CNBD1: variants seen among roughly 807,000 people sequenced by gnomAD.
CNBD1 encodes the protein cyclic nucleotide binding domain containing 1.
A neutral mutation model predicts 54.4 loss-of-function variants in CNBD1; 71 were observed. The observed-to-expected ratio is 1.30, with a 90% CI of 1.08 to 1.59. The LOEUF (loss-of-function observed/expected upper bound fraction) is 1.59. Among genes scored for constraint, CNBD1 ranks in the 40% most tolerant of loss-of-function variants. The probability of loss-of-function intolerance (pLI) is 0.00; values close to 1 mark genes in which losing one functional copy is unlikely to be tolerated. For synonymous variants in CNBD1, 182 were observed against 170.7 expected, an observed-to-expected ratio of 1.07 and a Z score of -0.51; for missense variants, 659 against 518.0, an observed-to-expected ratio of 1.27 and a Z score of -2.64.
chr8:86,891,102 T>C (rs2131792506), intron 2 of CNBD1, among the ~76,000 whole-genome samples: 1 of 152,200 alleles, frequency 6.6e-6, no homozygotes, highest in East Asian at 1.9e-4. Context: ...TGATGTAATC[T>C]CATTTGATTG....
intron 6 of CNBD1, among the ~76,000 whole-genome samples, chr8:87,273,695 C>G (rs1157507769): frequency 6.6e-6 from 1 of 151,956 alleles, no homozygotes; most frequent in Admixed American, 6.6e-5. Flanking sequence ...CCTTTTCTTG[C>G]ACTCTTATCT....
chr8:87,263,677 A>G (rs1396018332), intron 6 of CNBD1, among the ~76,000 whole-genome samples: 1 of 152,180 alleles, frequency 6.6e-6, no homozygotes, highest in Non-Finnish European at 1.5e-5. Context: ...ATGAAATTTT[A>G]CCAAGGCAAA....
intron 3 of CNBD1, among the ~76,000 whole-genome samples, chr8:86,933,316 A>G (rs1456278243): frequency 6.6e-6 from 1 of 152,150 alleles, no homozygotes; most frequent in Non-Finnish European, 1.5e-5. Flanking sequence ...ACAAAAATCC[A>G]ATTCACTACA....
At chr8:87,387,814 C>G (rs1022310828), downstream of CNBD1, among the ~76,000 whole-genome samples, 3 of 152,180 alleles carry the variant, frequency 2.0e-5, no homozygotes, top group African/African-American at 4.8e-5. Context: ...TTCTTTTCAG[C>G]ACCACACCAC....
intron 4 of CNBD1, among the ~76,000 whole-genome samples, chr8:87,017,210 T>C (rs1809374186): frequency 6.6e-6 from 1 of 152,220 alleles, no homozygotes; most frequent in South Asian, 2.1e-4. Context: ...AAATGTAAGA[T>C]GTTTAAACAA....
intron 4 of CNBD1, among the ~76,000 whole-genome samples, chr8:86,995,146 T>C (rs1252991427): frequency 6.6e-6 from 1 of 152,062 alleles, no homozygotes; most frequent in Non-Finnish European, 1.5e-5. Flanking sequence ...CTAGGCAGGA[T>C]TTAGGTCAAG....
chr8:86,878,841 A>AGAGG (rs755188278), intron 1 of CNBD1, among the ~76,000 whole-genome samples: 10 of 152,320 alleles, frequency 6.6e-5, no homozygotes, highest in South Asian at 6.2e-4. Flanking sequence ...GATATTATTC[A>AGAGG]GAATTCATAG....
chr8:87,247,463 T>C lies in CNBD1; in HGVS notation c.771+10351T>C, dbSNP rs1442382708. The stretch of plus-strand genomic sequence containing the variant: ...TTCACTCATTGCCCCATAATTCCAG[T>C]TTGGCTTTGAATGCAATTACTTTAT... On this transcript the variant is annotated intron_variant, in intron 6 of 10. Transcript: ENST00000518476. Among the ~76,000 whole-genome samples the C allele has an allele frequency of 6.6e-5, 10 of 152,304 alleles. No individual in the cohort carries two copies. In the East Asian group the frequency reaches 1.9e-3, roughly 29 times the overall value.
At chr8:87,209,317 A>G (rs1178275264) in intron 5 of CNBD1, among the ~76,000 whole-genome samples, 3 of 152,176 alleles carry the variant, frequency 2.0e-5, no homozygotes, top group Non-Finnish European at 4.4e-5. Context: ...AGACAAGTTA[A>G]ATGAATTCAG....
rs544708351 is a variant in CNBD1 at position 87,387,962 on chromosome 8, C to T, written c.213+34176C>T. ...CAGGATTAAGAAACTGACTCAAAAC[C>T]GCTCAACTACATGGAAACTGAACAA... On this transcript the variant is annotated intron_variant, in intron 2 of 7. Transcript: ENST00000521593. 4.0e-3 allele frequency among the ~76,000 whole-genome samples: 606 copies of T among 152,188 alleles called. 8 individuals are homozygous for T. The highest frequency in any genetic ancestry group is 0.013 in the African/African-American group (556 of 41,518).
chr8:86,905,204 C>G lies in CNBD1; in HGVS notation c.272+10C>G, dbSNP rs767848414. The stretch of plus-strand genomic sequence containing the variant: ...AACAGGAGGAACAAAGGTAATGATA[C>G]CTTCTTTTGAAAGCAAGGTTGATGG... On this transcript the variant is annotated intron_variant, in intron 3 of 10. Transcript: ENST00000518476. 2.0e-6 allele frequency: 3 copies of G among 1,509,838 alleles called. No homozygotes were observed. Among genetic ancestry groups the G allele is most frequent in the South Asian group, 1.1e-5 (1 of 87,776 alleles). 93.5% of individuals were successfully genotyped at this position (1,509,838 alleles called of 1,614,324 possible).
downstream of CNBD1, among the ~76,000 whole-genome samples, chr8:87,383,133 T>A (rs182797217): frequency 6.6e-6 from 1 of 152,078 alleles, no homozygotes; most frequent in South Asian, 2.1e-4. Context: ...AAAGACCTTG[T>A]GCTTTTTTCA....
intron 1 of CNBD1, among the ~76,000 whole-genome samples, chr8:86,868,575 C>CT (rs869096010): frequency 6.9e-5 from 2 of 29,146 alleles, no homozygotes; most frequent in Admixed American, 3.8e-4. Flanking sequence ...TCGTGATCTG[C>CT]CCCCCTCAGC....
At chr8:87,076,152 A>C (rs942288073) in intron 4 of CNBD1, among the ~76,000 whole-genome samples, 1 of 152,240 alleles carries the variant, frequency 6.6e-6, no homozygotes, top group Non-Finnish European at 1.5e-5. Context: ...TAATATATCC[A>C]GCATGAAGTG....
At chr8:87,165,051 G>C (rs1812933701) in intron 4 of CNBD1, among the ~76,000 whole-genome samples, 1 of 151,434 alleles carries the variant, frequency 6.6e-6, no homozygotes, top group African/African-American at 2.4e-5. Context: ...TTGTTCAGGA[G>C]TGTGCTGTTT....
rs146529456 is a variant in CNBD1, at chr8:87,419,418, A to G, written c.214-9128A>G. On this transcript the variant is annotated intron_variant, in intron 2 of 7. Coordinates refer to the CNBD1 transcript ENST00000521593. ...AATACACTGAAAACCACTAAACTGT[A>G]CTGTTTAAAGGCGTGAATTTTATTG... is the stretch of plus-strand genomic sequence containing the variant. Among the ~76,000 whole-genome samples the G allele has an allele frequency of 4.3e-3, 655 of 152,028 alleles. 8 individuals carry two copies. Among genetic ancestry groups the G allele is most frequent in the African/African-American group, 0.015 (626 of 41,536 alleles).
chr8:86,882,751 C>G (rs1334517742), intron 1 of CNBD1, among the ~76,000 whole-genome samples: 1 of 152,122 alleles, frequency 6.6e-6, no homozygotes, highest in African/African-American at 2.4e-5. Context: ...TTCACAATAG[C>G]AAAGACATGG....
chr8:87,231,665 G>A (rs1347993960), intron 5 of CNBD1, among the ~76,000 whole-genome samples: 1 of 151,948 alleles, frequency 6.6e-6, no homozygotes, highest in East Asian at 1.9e-4. Flanking sequence ...CACTATATTT[G>A]CATAAGCTTC....
At chr8:87,346,614 CAT>C (rs569914632) in intron 8 of CNBD1, among the ~76,000 whole-genome samples, 19 of 150,886 alleles carry the variant, frequency 1.3e-4, no homozygotes, top group East Asian at 1.9e-4. Flanking sequence ...AGTGTGTCTG[CAT>C]ATATATATAT....
Sources: allele counts gnomAD v4.1 joint callset (sites outside exome capture counted in the v4.1 genomes callset), GRCh38; gene constraint gnomAD v4.1.1; transcripts MANE v1.5; gene names NCBI Gene and HGNC (gene_info 2026-07-23, HGNC 2026-07-21).